Variants in LARP4B observed in about 807,000 individuals in gnomAD.
LARP4B encodes the protein la-related protein 4B.
Under a neutral mutation model 89.8 loss-of-function variants are expected in LARP4B, and 12 were observed. The ratio of observed to expected loss-of-function variants is 0.13; its 90% CI spans 0.09 to 0.22. The LOEUF (loss-of-function observed/expected upper bound fraction) is 0.22, where lower values mean the gene tolerates loss of function less well. Among genes scored for constraint, LARP4B ranks in the 10% least tolerant of loss-of-function variants. The probability of loss-of-function intolerance (pLI) is 1.00; values close to 1 mark genes in which losing one functional copy is unlikely to be tolerated. For synonymous variants in LARP4B, 367 were observed against 363.3 expected (o/e 1.01, Z -0.12); for missense variants, 757 against 947.7 (o/e 0.80, Z 2.64).
chr10:899,703 G>C (rs915594049), intron 1 of LARP4B, among the ~76,000 whole-genome samples: 3 of 152,192 alleles, frequency 2.0e-5, no homozygotes, highest in African/African-American at 7.2e-5. Context: ...CGCATGAACA[G>C]AGATGGACAG....
the LARP4B span, among the ~76,000 whole-genome samples, chr10:975,281 G>T: frequency 2.0e-5 from 3 of 152,214 alleles, no homozygotes; most frequent in Admixed American, 6.5e-5. Context: ...GCATCCACCC[G>T]TGGTGTCCCG....
At chr10:950,962 T>A in the LARP4B span, among the ~76,000 whole-genome samples, 1 of 152,082 alleles carries the variant, frequency 6.6e-6, no homozygotes, top group Non-Finnish European at 1.5e-5. Flanking sequence ...TTTCCGTCCT[T>A]CCCGCCTGCC....
intron 1 of LARP4B, among the ~76,000 whole-genome samples, chr10:914,911 T>TG (rs1164674095): frequency 2.6e-5 from 4 of 150,948 alleles, no homozygotes; most frequent in East Asian, 1.9e-4. Context: ...ATTAATCTTG[T>TG]GAAAAAAAAA....
intron 3 of LARP4B, among the ~76,000 whole-genome samples, chr10:883,554 CAG>C (rs1472969010): frequency 1.3e-5 from 2 of 151,606 alleles, no homozygotes; most frequent in African/African-American, 4.8e-5. Flanking sequence ...CAATGTAAAA[CAG>C]AATACATAAA....
At chr10:815,745 A>C (rs2131598217) in intron 15 of LARP4B, 1 of 152,366 alleles carries the variant, frequency 6.6e-6, no homozygotes, top group Non-Finnish European at 1.5e-5. Flanking sequence ...TACACTTGTC[A>C]TGCAACTTAA....
chr10:831,846 G>T (rs1299251224), intron 8 of LARP4B, among the ~76,000 whole-genome samples: 1 of 152,024 alleles, frequency 6.6e-6, no homozygotes, highest in Non-Finnish European at 1.5e-5. Flanking sequence ...AAAACTCCGA[G>T]CATCTCCTCA....
chr10:898,596 T>G (rs1836253093), intron 1 of LARP4B, among the ~76,000 whole-genome samples: 1 of 152,242 alleles, frequency 6.6e-6, no homozygotes, highest in East Asian at 1.9e-4. Flanking sequence ...TGATAATTTC[T>G]AAGAAAATCA....
At chr10:942,208 T>C in the LARP4B span, 3 of 152,200 alleles carry the variant, frequency 2.0e-5, no homozygotes, top group African/African-American at 7.2e-5. Flanking sequence ...TTACAAGAAG[T>C]CCATGATGGA....
At chr10:910,210 AC>A (rs1836630125) in intron 1 of LARP4B, among the ~76,000 whole-genome samples, 2 of 149,474 alleles carry the variant, frequency 1.3e-5, no homozygotes, top group Admixed American at 1.3e-4. Context: ...CAACTCAGGA[AC>A]TGCCTTTTTT....
At chr10:899,116 A>C (rs542913870) in intron 1 of LARP4B, among the ~76,000 whole-genome samples, 5 of 152,338 alleles carry the variant, frequency 3.3e-5, no homozygotes, top group Admixed American at 2.0e-4. Context: ...TATGGTACTT[A>C]AATATAAGCT....
the LARP4B span, among the ~76,000 whole-genome samples, chr10:965,048 T>C: frequency 6.6e-6 from 1 of 152,196 alleles, no homozygotes; most frequent in Admixed American, 6.5e-5. Flanking sequence ...GAGGGCTGCC[T>C]GGGAGCCATG....
rs202103534 is a variant in LARP4B at position 812,922 on chromosome 10, G to A, written c.*4C>T. The stretch of plus-strand genomic sequence containing the variant: ...CTCTGCGACCCCTCCCAGACGTACG[G>A]TTTTCACTGAGGAGACTTGGGGGGA... On this transcript the variant is annotated 3_prime_UTR_variant, in exon 18 of 18. Transcript: ENST00000316157. 58 of 1,531,424 alleles carry A rather than the reference G, an allele frequency of 3.8e-5. No homozygotes were observed. Among genetic ancestry groups the A allele is most frequent in the Non-Finnish European group, 4.4e-5 (50 of 1,146,486 alleles). 94.9% of individuals were successfully genotyped at this position (1,531,424 alleles called of 1,614,324 possible). A position where few individuals can be genotyped will look rare whatever the true frequency, so the allele number is the denominator to read the frequency against.
chr10:891,704 C>T (rs536202234), intron 1 of LARP4B, among the ~76,000 whole-genome samples: 3 of 152,220 alleles, frequency 2.0e-5, no homozygotes, highest in African/African-American at 4.8e-5. Flanking sequence ...ACAGTGATCC[C>T]GATTTGAACA....
At chr10:840,668 A>G (rs1833479518) in intron 7 of LARP4B, among the ~76,000 whole-genome samples, 1 of 152,200 alleles carries the variant, frequency 6.6e-6, no homozygotes, top group Non-Finnish European at 1.5e-5. Context: ...GGACACGCAC[A>G]TTGTGTTTAC....
At chr10:935,951 T>G (rs1307741982), upstream of LARP4B, among the ~76,000 whole-genome samples, 1 of 151,136 alleles carries the variant, frequency 6.6e-6, no homozygotes, top group Non-Finnish European at 1.5e-5. Context: ...ACCATGTTGG[T>G]CAGGCTGGTC....
intron 1 of LARP4B, among the ~76,000 whole-genome samples, chr10:904,510 G>A (rs1393614037): frequency 8.6e-5 from 13 of 151,514 alleles, no homozygotes; most frequent in African/African-American, 2.2e-4. Context: ...GCATTAAGCC[G>A]AGATCATGCC....
chr10:864,090 G>C (rs369687078), intron 4 of LARP4B, 33 bp downstream of exon 4: 5 of 1,612,378 alleles, frequency 3.1e-6, no homozygotes, highest in Non-Finnish European at 4.2e-6. Context: ...CCTGAAAGCA[G>C]GGGGCTGCAC....
chr10:837,649 C>T (rs761806135), intron 7 of LARP4B, among the ~76,000 whole-genome samples: 16 of 152,190 alleles, frequency 1.1e-4, no homozygotes, highest in Non-Finnish European at 2.1e-4. Flanking sequence ...CCAACACCCA[C>T]GTGCACGGGC....
chr10:947,787 C>A, the LARP4B span, among the ~76,000 whole-genome samples: 1 of 152,060 alleles, frequency 6.6e-6, no homozygotes, highest in African/African-American at 2.4e-5. Flanking sequence ...ACGCCCGGCT[C>A]ATGTTTTTGT....
Sources: allele counts gnomAD v4.1 joint callset (sites outside exome capture counted in the v4.1 genomes callset), GRCh38; gene constraint gnomAD v4.1.1; transcripts MANE v1.5; gene names NCBI Gene and HGNC (gene_info 2026-07-23, HGNC 2026-07-21).